The following PEBP4 variants were observed in gnomAD, a reference collection of about 807,000 sequenced individuals.
The protein encoded by PEBP4 is phosphatidylethanolamine-binding protein 4.
A neutral mutation model predicts 23.9 loss-of-function variants in PEBP4; 22 were observed. The observed-to-expected ratio is 0.92, with a 90% CI of 0.66 to 1.31. The LOEUF (loss-of-function observed/expected upper bound fraction) is 1.31. Ranked by LOEUF, PEBP4 falls within the 40% of genes most tolerant of loss-of-function variation. The probability of loss-of-function intolerance (pLI) is 0.00; values close to 1 mark genes in which losing one functional copy is unlikely to be tolerated. For missense variants in PEBP4, 324 were observed against 281.7 expected (o/e 1.15, Z -1.07); for synonymous variants, 112 against 99.3 (o/e 1.13, Z -0.76).
At chr8:22,732,079 G>A (rs1221864478) in intron 4 of PEBP4, among the ~76,000 whole-genome samples, 1 of 152,106 alleles carries the variant, frequency 6.6e-6, no homozygotes, top group African/African-American at 2.4e-5. Flanking sequence ...AGCCCAGGAT[G>A]GGTTTTTCAG....
chr8:22,854,926 ATGTGTGTG>A (rs113480248), intron 3 of PEBP4, among the ~76,000 whole-genome samples: 91 of 133,326 alleles, frequency 6.8e-4, no homozygotes, highest in Middle Eastern at 7.5e-3. Context: ...TGAGATTAGA[ATGTGTGTG>A]TGTGTGTGTG....
chr8:22,856,552 A>G (rs140133363), intron 3 of PEBP4, among the ~76,000 whole-genome samples: 138 of 152,282 alleles, frequency 9.1e-4, no homozygotes, highest in African/African-American at 3.3e-3. Context: ...CCCCGTCTCT[A>G]CTAAAAACAC....
chr8:22,862,817 T>C (rs908645777), intron 3 of PEBP4, among the ~76,000 whole-genome samples: 3 of 139,500 alleles, frequency 2.2e-5, no homozygotes, highest in African/African-American at 8.0e-5. Flanking sequence ...TTTTTTTTTT[T>C]TGAGACGGAG....
rs1349971164 is a variant in PEBP4 at position 22,798,236 on chromosome 8, A to G, written c.357+19401T>C. ...TGCTTTCACATCCTGGAGCCTTGCT[A>G]ATTCTGGAGAGAATGCTCTTCCCAG... On this transcript the variant is annotated intron_variant, in intron 4 of 6. Transcript: ENST00000256404. Among the ~76,000 whole-genome samples the G allele has an allele frequency of 2.6e-5, 4 of 152,162 alleles. No homozygotes were observed. The South Asian group carries it at 6.2e-4, about 24-fold the overall frequency.
At chr8:22,906,143 C>T (rs1037299914) in intron 3 of PEBP4, among the ~76,000 whole-genome samples, 2 of 152,098 alleles carry the variant, frequency 1.3e-5, no homozygotes, top group African/African-American at 4.8e-5. Context: ...CTACCCCCAC[C>T]CCTCACTCTC....
chr8:22,938,804 C>T (rs1809572954), intron 1 of PEBP4, among the ~76,000 whole-genome samples: 1 of 152,184 alleles, frequency 6.6e-6, no homozygotes, highest in Non-Finnish European at 1.5e-5. Context: ...TTTCTGTGCA[C>T]GTACTTCATT....
At chr8:22,800,975 G>A (rs780055292) in intron 4 of PEBP4, among the ~76,000 whole-genome samples, 1 of 151,628 alleles carries the variant, frequency 6.6e-6, no homozygotes, top group African/African-American at 2.4e-5. Flanking sequence ...CCACCTTCAC[G>A]GCCCCACCCA....
At chr8:22,718,614 C>T (rs914828342) in intron 6 of PEBP4, among the ~76,000 whole-genome samples, 3 of 152,178 alleles carry the variant, frequency 2.0e-5, no homozygotes, top group African/African-American at 2.4e-5. Flanking sequence ...TCTACCCGCT[C>T]GGCCAGGTGG....
At chr8:22,854,926 A>ATGTGTGTGTGTG (rs113480248) in intron 3 of PEBP4, among the ~76,000 whole-genome samples, 139 of 133,322 alleles carry the variant, frequency 1.0e-3, no homozygotes, top group African/African-American at 1.9e-3. Flanking sequence ...TGAGATTAGA[A>ATGTGTGTGTGTG]TGTGTGTGTG....
At position 22,713,387 on chromosome 8, in the gene PEBP4, C is replaced by T. The variant is rs753902783; in HGVS notation, c.667G>A (p.Glu223Lys). 2 of 1,585,254 alleles carry T rather than the reference C, an allele frequency of 1.3e-6. No individual in the cohort carries two copies. The highest frequency in any genetic ancestry group is 1.4e-5 in the African/African-American group (1 of 71,444). ...CCGGCTATCTAGCAGGCAGCTATCT[C>T]CGCCTGGTTTTTGTGCTTGGGCTCG... ...ASEPKHKNQA[E>K]IAAC Residue 223 changes from glutamate to lysine, a missense_variant, in exon 7 of 7, where the codon GAG (glutamate) becomes AAG (lysine). Coordinates refer to ENST00000256404, the MANE Select transcript of PEBP4 (RefSeq NM_144962.3).
At chr8:22,799,963 AT>A (rs1806348515) in intron 4 of PEBP4, among the ~76,000 whole-genome samples, 1 of 152,254 alleles carries the variant, frequency 6.6e-6, no homozygotes, top group South Asian at 2.1e-4. Flanking sequence ...CCAAATGTCC[AT>A]CAATGATAGA....
At chr8:22,853,177 A>G (rs1807580812) in intron 3 of PEBP4, among the ~76,000 whole-genome samples, 1 of 152,188 alleles carries the variant, frequency 6.6e-6, no homozygotes, top group African/African-American at 2.4e-5. Flanking sequence ...CAAGAATTTT[A>G]TTAGTCAATA....
At chr8:22,850,486 G>A (rs1417351348) in intron 3 of PEBP4, among the ~76,000 whole-genome samples, 3 of 152,196 alleles carry the variant, frequency 2.0e-5, no homozygotes, top group African/African-American at 7.2e-5. Context: ...GGTGAGGCGG[G>A]AGCTGTGATA....
chr8:22,860,100 G>A (rs1457636177), intron 3 of PEBP4, among the ~76,000 whole-genome samples: 1 of 121,058 alleles, frequency 8.3e-6, no homozygotes, highest in East Asian at 2.2e-4. Flanking sequence ...CTGGGTGACA[G>A]AGTGAGACTC....
At chr8:22,772,848 C>T (rs996485201) in intron 4 of PEBP4, among the ~76,000 whole-genome samples, 1 of 152,150 alleles carries the variant, frequency 6.6e-6, no homozygotes, top group Non-Finnish European at 1.5e-5. Flanking sequence ...CTGTGAGCCT[C>T]TTAGCTGGAA....
At chr8:22,826,746 G>C (rs191471380) in intron 3 of PEBP4, among the ~76,000 whole-genome samples, 18 of 152,330 alleles carry the variant, frequency 1.2e-4, no homozygotes, top group Non-Finnish European at 2.1e-4. Flanking sequence ...AACTCTGGAA[G>C]GGTGCTTAAA....
intron 3 of PEBP4, among the ~76,000 whole-genome samples, chr8:22,834,080 C>T (rs1213332820): frequency 6.6e-6 from 1 of 152,202 alleles, no homozygotes; most frequent in Non-Finnish European, 1.5e-5. Flanking sequence ...ACCCTTGTGT[C>T]CTGGGTCCTG....
At chr8:22,729,966 AG>A (rs1237442972) in intron 4 of PEBP4, among the ~76,000 whole-genome samples, 1 of 152,174 alleles carries the variant, frequency 6.6e-6, no homozygotes, top group African/African-American at 2.4e-5. Context: ...AAATTCTAAA[AG>A]GTGAGAGAGT....
chr8:22,875,880 T>G (rs1317779609), intron 3 of PEBP4, among the ~76,000 whole-genome samples: 1 of 152,130 alleles, frequency 6.6e-6, no homozygotes, highest in African/African-American at 2.4e-5. Context: ...AGATTTAGAA[T>G]TTTTAGCTTC....
Sources: gnomAD v4.1 joint callset for allele counts (sites outside exome capture counted in the v4.1 genomes callset) on GRCh38, gnomAD v4.1.1 for gene constraint, MANE v1.5 for transcripts, NCBI Gene and HGNC (gene_info 2026-07-23, HGNC 2026-07-21) for gene names.